Variants in FMNL2 observed in about 807,000 individuals in gnomAD.
FMNL2 encodes formin like 2.
Under a neutral mutation model 130.2 loss-of-function variants are expected in FMNL2, and 51 were observed. That is an observed-to-expected ratio of 0.39 (90% CI 0.31 to 0.49). The LOEUF is 0.49. FMNL2 is among the 20% of genes least tolerant of loss of function. The probability of loss-of-function intolerance (pLI) is 0.85; values close to 1 mark genes in which losing one functional copy is unlikely to be tolerated. For missense variants in FMNL2, 977 were observed against 1,316.2 expected, an observed-to-expected ratio of 0.74 and a Z score of 3.99; for synonymous variants, 465 against 467.1, an observed-to-expected ratio of 1.00 and a Z score of 0.06.
intron 12 of FMNL2, among the ~76,000 whole-genome samples, chr2:152,616,561 A>G (rs182694705): frequency 1.1e-4 from 16 of 152,048 alleles, no homozygotes; most frequent in African/African-American, 3.1e-4. Context: ...CAAACTCCTG[A>G]CCTCAGGTGA....
intron 1 of FMNL2, among the ~76,000 whole-genome samples, chr2:152,449,001 A>C (rs1688499706): frequency 6.6e-6 from 1 of 152,222 alleles, no homozygotes. Flanking sequence ...TGAAGCCTCT[A>C]ATGTCTAATT....
chr2:152,467,838 C>G (rs961175014), intron 1 of FMNL2, among the ~76,000 whole-genome samples: 1 of 152,178 alleles, frequency 6.6e-6, no homozygotes, highest in Non-Finnish European at 1.5e-5. Flanking sequence ...CTTAATCTGC[C>G]AGGCACTGTG....
chr2:152,336,877 G>T (rs530912962), intron 1 of FMNL2, among the ~76,000 whole-genome samples: 7 of 152,290 alleles, frequency 4.6e-5, no homozygotes, highest in Admixed American at 1.3e-4. Flanking sequence ...CCTGCCTGCG[G>T]GTTTTCTTTT....
In FMNL2 at chr2:152,375,939, G is replaced by A. The variant is rs142415022; in HGVS notation, c.117+40219G>A. On this transcript the variant is annotated intron_variant, in intron 1 of 25. Coordinates refer to ENST00000288670, the MANE Select transcript of FMNL2 (RefSeq NM_052905.4). ...GAGACAGTCTTGCTTAGTCCTCCAG[G>A]CTGTAGTGCAGTGATGTGATCTCTG... Among the ~76,000 whole-genome samples the A allele has an allele frequency of 3.5e-5, 5 of 144,114 alleles. No homozygotes were observed. In the East Asian group the frequency reaches 1.1e-3, roughly 31 times the overall value. The allele number at this position is 144,114 out of a possible 152,430, so 94.5% of individuals were successfully genotyped here.
rs906436785 is a variant in FMNL2 at position 152,632,279 on chromosome 2, C to G, written c.2680+142C>G. On this transcript the variant is annotated intron_variant, in intron 21 of 25. Transcript: ENST00000288670. ...TCAGACACACTGAGCTGGAACACATCGGCCGTGGTGTTGTCCACCCCTGAG... is the reference window on the plus strand; with the variant it reads ...TCAGACACACTGAGCTGGAACACATGGGCCGTGGTGTTGTCCACCCCTGAG... 14 of 1,136,314 alleles carry G rather than the reference C, an allele frequency of 1.2e-5. No individual in the cohort carries two copies. The African/African-American group carries it at 1.9e-4, about 15-fold the overall frequency. 70.4% of individuals were successfully genotyped at this position (1,136,314 alleles called of 1,614,324 possible).
Position 152,521,930 on chromosome 2 carries a change from T to C in FMNL2, c.118-13T>C, listed in dbSNP as rs1299242313. The C allele has an allele frequency of 6.2e-7, 1 of 1,607,300 alleles. No homozygotes were observed. The highest frequency in any genetic ancestry group is 2.2e-5 in the East Asian group (1 of 44,802). On this transcript the variant is annotated splice_polypyrimidine_tract_variant and intron_variant, in intron 1 of 25. Coordinates refer to ENST00000288670, the MANE Select transcript of FMNL2 (RefSeq NM_052905.4). Reference sequence around the variant, plus strand: ...AATGTGACATCTTTTCTCTCTTTATTTTTTTTAAACAGAATGCTATGAACC... The same window carrying C: ...AATGTGACATCTTTTCTCTCTTTATCTTTTTTAAACAGAATGCTATGAACC...
chr2:152,415,450 T>A (rs1357715386), intron 1 of FMNL2, among the ~76,000 whole-genome samples: 1 of 152,240 alleles, frequency 6.6e-6, no homozygotes, highest in Non-Finnish European at 1.5e-5. Flanking sequence ...AGGTGATCTA[T>A]TGTTTCCTAA....
intron 1 of FMNL2, among the ~76,000 whole-genome samples, chr2:152,511,400 G>T (rs1692490213): frequency 6.6e-6 from 1 of 152,138 alleles, no homozygotes; most frequent in South Asian, 2.1e-4. Context: ...AATCTTTGGG[G>T]GCCATTATTC....
Position 152,640,905 on chromosome 2 carries a change from A to G in FMNL2, c.3160A>G (p.Ile1054Val), listed in dbSNP as rs781348150. The part of the protein sequence containing the change: ...YEGKDGAIED[I>V]ITDLRNQPYR... ...GGGAAAAGATGGTGCCATTGAAGATATTATCACAGGTAAAAGATATTTCTT... is the reference window on the plus strand; with the variant it reads ...GGGAAAAGATGGTGCCATTGAAGATGTTATCACAGGTAAAAGATATTTCTT... Residue 1054 changes from isoleucine to valine, a missense_variant, in exon 25 of 26, where the codon ATT (isoleucine) becomes GTT (valine). Transcript: ENST00000288670. 1 of 1,613,720 alleles carries G rather than the reference A, an allele frequency of 6.2e-7. No individual in the cohort carries two copies. Among genetic ancestry groups the G allele is most frequent in the Non-Finnish European group, 8.5e-7 (1 of 1,179,702 alleles).
At chr2:152,565,139 T>C (rs1437539831) in intron 6 of FMNL2, among the ~76,000 whole-genome samples, 4 of 152,230 alleles carry the variant, frequency 2.6e-5, no homozygotes, top group Non-Finnish European at 4.4e-5. Context: ...GGCTGTGTTA[T>C]TTCAGATGCA....
At chr2:152,546,522 C>T (rs942563647) in intron 3 of FMNL2, among the ~76,000 whole-genome samples, 3 of 152,072 alleles carry the variant, frequency 2.0e-5, no homozygotes, top group African/African-American at 7.2e-5. Context: ...CCCACTAGGC[C>T]CACCTCCAAC....
intron 1 of FMNL2, among the ~76,000 whole-genome samples, chr2:152,499,643 A>T (rs1042705710): frequency 3.3e-5 from 5 of 152,168 alleles, no homozygotes; most frequent in African/African-American, 1.2e-4. Context: ...TTTAGGACTG[A>T]ATCGGTTCCA....
intron 1 of FMNL2, among the ~76,000 whole-genome samples, chr2:152,473,567 G>C (rs34504342): frequency 0.043 from 6,590 of 152,216 alleles, 481 homozygotes; most frequent in African/African-American, 0.15. Flanking sequence ...CATGGTGATT[G>C]AGATAATTGA....
intron 3 of FMNL2, among the ~76,000 whole-genome samples, chr2:152,543,509 A>G (rs1056922731): frequency 3.9e-5 from 6 of 152,176 alleles, no homozygotes; most frequent in African/African-American, 1.4e-4. Flanking sequence ...ACCAGATAGC[A>G]TTTGTTTTTC....
intron 6 of FMNL2, among the ~76,000 whole-genome samples, chr2:152,565,163 T>C (rs1459738287): frequency 6.6e-6 from 1 of 152,206 alleles, no homozygotes; most frequent in African/African-American, 2.4e-5. Flanking sequence ...GAAAATACTT[T>C]CTGATTTTTA....
At chr2:152,495,379 G>A (rs1691447624) in intron 1 of FMNL2, among the ~76,000 whole-genome samples, 1 of 152,002 alleles carries the variant, frequency 6.6e-6, no homozygotes, top group Admixed American at 6.6e-5. Context: ...GCCAAGTGTG[G>A]TGACTCATGC....
Position 152,463,136 on chromosome 2 carries a change from G to A in FMNL2, c.118-58807G>A, listed in dbSNP as rs1466005108. Among the ~76,000 whole-genome samples, 6 of 152,116 alleles carry A rather than the reference G, an allele frequency of 3.9e-5. No individual in the cohort carries two copies. In the East Asian group the frequency reaches 1.2e-3, roughly 29 times the overall value. On this transcript the variant is annotated intron_variant, in intron 1 of 25. Coordinates refer to ENST00000288670, the MANE Select transcript of FMNL2 (RefSeq NM_052905.4). ...AGAAGAGGAGTTATCAAACCTGTTT[G>A]TTCTATCTCTTAAAGGATTGTTGTC...
At chr2:152,495,110 C>T (rs1691430998) in intron 1 of FMNL2, among the ~76,000 whole-genome samples, 1 of 152,108 alleles carries the variant, frequency 6.6e-6, no homozygotes. Flanking sequence ...CTTACTACTC[C>T]TATTATTCTA....
intron 1 of FMNL2, among the ~76,000 whole-genome samples, chr2:152,421,641 A>G (rs983283166): frequency 2.6e-5 from 4 of 152,162 alleles, no homozygotes; most frequent in African/African-American, 7.2e-5. Context: ...TCACCTAGGA[A>G]CTTCGAGAAA....
Sources: gnomAD v4.1 joint callset for allele counts (sites outside exome capture counted in the v4.1 genomes callset) on GRCh38, gnomAD v4.1.1 for gene constraint, MANE v1.5 for transcripts, NCBI Gene and HGNC (gene_info 2026-07-23, HGNC 2026-07-21) for gene names.